ARHGAP29: variants seen among roughly 807,000 people sequenced by gnomAD.
ARHGAP29 encodes the protein rho GTPase-activating protein 29.
Under a neutral mutation model 122.6 loss-of-function variants are expected in ARHGAP29, and 43 were observed. The observed-to-expected ratio is 0.35, with a 90% CI of 0.27 to 0.45. ARHGAP29 has a LOEUF of 0.45. ARHGAP29 is among the 20% of genes least tolerant of loss of function. The probability of loss-of-function intolerance (pLI) is 1.00; values close to 1 mark genes in which losing one functional copy is unlikely to be tolerated. For missense variants in ARHGAP29, 1,303 were observed against 1,477.2 expected, an observed-to-expected ratio of 0.88 and a Z score of 1.93; for synonymous variants, 506 against 497.1, an observed-to-expected ratio of 1.02 and a Z score of -0.24.
intron 12 of ARHGAP29, among the ~76,000 whole-genome samples, chr1:94,199,825 A>G (rs955807486): frequency 2.6e-5 from 4 of 152,144 alleles, no homozygotes; most frequent in African/African-American, 9.7e-5. Context: ...GTGGATTGAC[A>G]TGTCCCCTTC....
At chr1:94,308,199 C>T in the ARHGAP29 span, among the ~76,000 whole-genome samples, 2 of 152,198 alleles carry the variant, frequency 1.3e-5, no homozygotes, top group Non-Finnish European at 2.9e-5. Flanking sequence ...AATCCTTCCT[C>T]ATTTATAAAA....
At chr1:94,201,037 C>T (rs955897899) in intron 12 of ARHGAP29, among the ~76,000 whole-genome samples, 9 of 152,028 alleles carry the variant, frequency 5.9e-5, no homozygotes, top group Admixed American at 2.0e-4. Flanking sequence ...ATTAATTTTA[C>T]GAAAAACATT....
intron 12 of ARHGAP29, chr1:94,191,681 GC>G (rs1650139498): frequency 6.6e-6 from 1 of 152,172 alleles, no homozygotes; most frequent in African/African-American, 2.4e-5. Flanking sequence ...TTAAACCAGT[GC>G]ATTGAAAAAG....
the ARHGAP29 span, among the ~76,000 whole-genome samples, chr1:94,309,225 C>T: frequency 6.6e-6 from 1 of 152,216 alleles, no homozygotes. Context: ...ATGAGAGAGC[C>T]ACAACTATTT....
the ARHGAP29 span, among the ~76,000 whole-genome samples, chr1:94,289,673 A>C: frequency 0.64 from 97,791 of 151,990 alleles, 31,593 homozygotes; most frequent in Middle Eastern, 0.79. Context: ...TCCGTCAATA[A>C]CTAGTTTATT....
chr1:94,185,568 T>C, intron 16 of ARHGAP29, 87 bp from the exon 17 acceptor site: 1 of 1,166,126 alleles, frequency 8.6e-7, no homozygotes, highest in Non-Finnish European at 1.1e-6. Context: ...CTTTAAACCC[T>C]GTAATCATTC....
At position 94,174,585 on chromosome 1, in the gene ARHGAP29, T is replaced by C. The variant is rs1468565937; in HGVS notation, c.3070A>G (p.Arg1024Gly). ...KIRPVSLPVD[R>G]LLLASPPNER... ...TTAGGAGGACTTGCAAGAAGTAGTC[T>C]ATCTACAGGCAAACTTACAGGTCTA... Residue 1024 changes from arginine to glycine, a missense_variant, in exon 23 of 23, where the codon AGA becomes GGA. Coordinates refer to ENST00000260526, the MANE Select transcript of ARHGAP29 (RefSeq NM_004815.4). 3 of 1,614,092 alleles carry C rather than the reference T, an allele frequency of 1.9e-6. No individual in the cohort carries two copies. In the Admixed American group the frequency reaches 5.0e-5, roughly 27 times the overall value.
At chr1:94,181,549 T>A (rs895789978) in intron 19 of ARHGAP29, among the ~76,000 whole-genome samples, 1 of 152,062 alleles carries the variant, frequency 6.6e-6, no homozygotes, top group African/African-American at 2.4e-5. Flanking sequence ...CTCTGGAGTA[T>A]CAAACTACCC....
At chr1:94,181,203 C>T (rs903431296) in intron 19 of ARHGAP29, among the ~76,000 whole-genome samples, 1 of 152,188 alleles carries the variant, frequency 6.6e-6, no homozygotes, top group African/African-American at 2.4e-5. Flanking sequence ...ACCAACATGA[C>T]TGACAGAATC....
the ARHGAP29 span, among the ~76,000 whole-genome samples, chr1:94,304,050 AAG>A: frequency 2.0e-4 from 30 of 152,292 alleles, no homozygotes; most frequent in African/African-American, 6.7e-4. Context: ...TTTTGATGTC[AAG>A]GCTCTGCTTT....
intron 1 of ARHGAP29, among the ~76,000 whole-genome samples, chr1:94,267,071 A>G (rs888405138): frequency 2.0e-5 from 3 of 152,230 alleles, no homozygotes; most frequent in Admixed American, 6.5e-5. Context: ...TCTTTGGCTT[A>G]TGCAACACTA....
At chr1:94,278,032 T>C (rs1046453468), upstream of ARHGAP29, among the ~76,000 whole-genome samples, 12 of 152,228 alleles carry the variant, frequency 7.9e-5, no homozygotes, top group African/African-American at 2.9e-4. Flanking sequence ...ATGTTTCAAG[T>C]AGGCCGGATG....
chr1:94,282,610 A>G, the ARHGAP29 span, among the ~76,000 whole-genome samples: 1 of 152,070 alleles, frequency 6.6e-6, no homozygotes, highest in South Asian at 2.1e-4. Context: ...TTTGCCAATG[A>G]GTAGTAAAAA....
At chr1:94,175,814 C>T (rs1649057933) in intron 22 of ARHGAP29, among the ~76,000 whole-genome samples, 1 of 152,142 alleles carries the variant, frequency 6.6e-6, no homozygotes, top group South Asian at 2.1e-4. Flanking sequence ...AGGTGATTCT[C>T]TTGCCTCACC....
chr1:94,309,328 C>G, the ARHGAP29 span, among the ~76,000 whole-genome samples: 1 of 152,140 alleles, frequency 6.6e-6, no homozygotes, highest in Non-Finnish European at 1.5e-5. Flanking sequence ...CAGGACTCAG[C>G]AGAGGTCCTC....
At chr1:94,305,051 G>C in the ARHGAP29 span, among the ~76,000 whole-genome samples, 2 of 152,178 alleles carry the variant, frequency 1.3e-5, no homozygotes, top group African/African-American at 2.4e-5. Context: ...AACAAAAGAG[G>C]TCATTTTAGG....
intron 1 of ARHGAP29, among the ~76,000 whole-genome samples, chr1:94,272,638 G>A (rs1455750716): frequency 6.6e-6 from 1 of 152,144 alleles, no homozygotes; most frequent in East Asian, 1.9e-4. Flanking sequence ...CTCAGCTCTG[G>A]AGCTCTCTAC....
At chr1:94,226,087 T>C (rs1652594876) in intron 2 of ARHGAP29, among the ~76,000 whole-genome samples, 1 of 152,000 alleles carries the variant, frequency 6.6e-6, no homozygotes, top group Non-Finnish European at 1.5e-5. Context: ...ACATGATGTT[T>C]TCTTTCATTA....
At chr1:94,174,875 C>T in intron 22 of ARHGAP29, 126 bp from the exon 23 acceptor site, 1 of 1,071,532 alleles carries the variant, frequency 9.3e-7, no homozygotes, top group South Asian at 1.6e-5. Context: ...ATAATATTCT[C>T]AGTTACCTAT....
Sources: allele counts gnomAD v4.1 joint callset (sites outside exome capture counted in the v4.1 genomes callset), GRCh38; gene constraint gnomAD v4.1.1; transcripts MANE v1.5; gene names NCBI Gene and HGNC (gene_info 2026-07-23, HGNC 2026-07-21).